ATP6V0D1: variants seen among roughly 807,000 people sequenced by gnomAD.
ATP6V0D1 encodes V-type proton ATPase subunit d 1.
In ATP6V0D1, 13 loss-of-function variants were observed where a neutral mutation model predicts 39.0. That is an observed-to-expected ratio of 0.33 (90% CI 0.22 to 0.53). The LOEUF (loss-of-function observed/expected upper bound fraction) is 0.53. Ranked by LOEUF, ATP6V0D1 falls within the 20% of genes least tolerant of loss-of-function variation. ATP6V0D1 has a pLI of 0.94. For synonymous variants in ATP6V0D1, 191 were observed against 191.2 expected (o/e 1.00, Z 0.01); for missense variants, 272 against 470.9 (o/e 0.58, Z 3.91).
Position 67,481,109 on chromosome 16 carries a change from C to G in ATP6V0D1, c.-23G>C, listed in dbSNP as rs1303624134. The G allele has an allele frequency of 6.2e-7, 1 of 1,613,302 alleles. No individual in the cohort carries two copies. The highest frequency in any genetic ancestry group is 1.3e-5 in the African/African-American group (1 of 74,934). ...CATGGCTGCTGCGGGAGCGGCGGGA[C>G]CGGAGAACCAGGACCGGCCGGCACG... On this transcript the variant is annotated 5_prime_UTR_variant, in exon 1 of 8. Coordinates refer to ENST00000290949, the MANE Select transcript of ATP6V0D1 (RefSeq NM_004691.5).
intron 1 of ATP6V0D1, among the ~76,000 whole-genome samples, chr16:67,471,400 G>A (rs1367196759): frequency 2.0e-5 from 3 of 152,054 alleles, no homozygotes; most frequent in African/African-American, 4.8e-5. Context: ...ATGTTGCCCA[G>A]GGTGGTCTTG....
chr16:67,474,902 G>A (rs754777350), intron 1 of ATP6V0D1, among the ~76,000 whole-genome samples: 2 of 152,168 alleles, frequency 1.3e-5, no homozygotes, highest in Non-Finnish European at 2.9e-5. Context: ...AAGCCAAGAT[G>A]AGGACATCGA....
In ATP6V0D1 at chr16:67,452,492, G is replaced by T. The variant is rs560158258; in HGVS notation, c.302+1052C>A. 13 of 1,235,762 alleles carry T rather than the reference G, an allele frequency of 1.1e-5. No individual in the cohort carries two copies. The Admixed American group carries it at 1.2e-4, about 11-fold the overall frequency. The allele number at this position is 1,235,762 out of a possible 1,614,324, so 76.5% of individuals were successfully genotyped here. A position where few individuals can be genotyped will look rare whatever the true frequency, so the allele number is the denominator to read the frequency against. On this transcript the variant is annotated intron_variant, in intron 2 of 7. Transcript: ENST00000290949. ...CTCTGTCCCTGCAGGGACAAGTGGG[G>T]CAGGTGTGCCAGGTCCCAAGGAAAA...
At chr16:67,446,644 G>A (rs147977285) in intron 2 of ATP6V0D1, among the ~76,000 whole-genome samples, 1 of 152,182 alleles carries the variant, frequency 6.6e-6, no homozygotes, top group African/African-American at 2.4e-5. Context: ...TGCCTATGAG[G>A]CCTCCAACAT....
chr16:67,472,172 A>C (rs2142332477), intron 1 of ATP6V0D1, among the ~76,000 whole-genome samples: 1 of 152,184 alleles, frequency 6.6e-6, no homozygotes, highest in South Asian at 2.1e-4. Flanking sequence ...GACACCACCA[A>C]CAACCTGTGC....
Position 67,480,954 on chromosome 16 carries a change from C to T in ATP6V0D1, c.130+3G>A, listed in dbSNP as rs781458924. The T allele has an allele frequency of 6.2e-7, 1 of 1,613,890 alleles. No individual in the cohort carries two copies. Among genetic ancestry groups the T allele is most frequent in the Non-Finnish European group, 8.5e-7 (1 of 1,179,832 alleles). The stretch of plus-strand genomic sequence containing the variant: ...ATCCCCGCCTTTCGCGGCCCCGGCT[C>T]ACCCTCTAGCGTCTCGCACTGCACC... On this transcript the variant is annotated splice_donor_region_variant and intron_variant, in intron 1 of 7. Coordinates refer to ENST00000290949, the MANE Select transcript of ATP6V0D1 (RefSeq NM_004691.5).
chr16:67,457,475 T>C (rs1012252256), intron 1 of ATP6V0D1: 2 of 873,796 alleles, frequency 2.3e-6, no homozygotes, highest in African/African-American at 3.4e-5. Flanking sequence ...CAGTCCCAGA[T>C]GAGCTGGCAG....
intron 1 of ATP6V0D1, among the ~76,000 whole-genome samples, chr16:67,473,364 T>TTTTA (rs1429725244): frequency 6.6e-6 from 1 of 152,180 alleles, no homozygotes; most frequent in Non-Finnish European, 1.5e-5. Context: ...ACTTTTTTTT[T>TTTTA]TTTAGATGGA....
At chr16:67,462,534 G>C (rs1597579858) in intron 1 of ATP6V0D1, among the ~76,000 whole-genome samples, 1 of 152,336 alleles carries the variant, frequency 6.6e-6, no homozygotes, top group African/African-American at 2.4e-5. Context: ...GTGCTCAAAA[G>C]CTGGCCGAGG....
chr16:67,453,866 C>T lies in ATP6V0D1; in HGVS notation c.131-151G>A, dbSNP rs2041209860. ...CTCCATCTCCCTGTTGGCTCAGGGC[C>T]TACCACAGGGCAATCAGCTAAGGCC... On this transcript the variant is annotated intron_variant, in intron 1 of 7. Transcript: ENST00000290949. The surrounding 1 kb of genome is among the most constrained non-coding windows in gnomAD (Gnocchi z 4.1). 1.2e-5 allele frequency: 9 copies of T among 722,476 alleles called. No individual in the cohort carries two copies. In the South Asian group the frequency reaches 1.7e-4, roughly 13 times the overall value. The allele number at this position is 722,476 out of a possible 1,614,324, so 44.8% of individuals were successfully genotyped here. A position where few individuals can be genotyped will look rare whatever the true frequency, so the allele number is the denominator to read the frequency against.
chr16:67,471,709 T>C (rs2041374834), intron 1 of ATP6V0D1, among the ~76,000 whole-genome samples: 1 of 152,056 alleles, frequency 6.6e-6, no homozygotes. Context: ...TCTCTCTCTG[T>C]TGCCCAGGCT....
rs2041198913 is a variant in ATP6V0D1, at chr16:67,453,025, T to C, written c.302+519A>G. Among the ~76,000 whole-genome samples the C allele has an allele frequency of 6.6e-6, 1 of 152,044 alleles. No homozygotes were observed. The highest frequency in any genetic ancestry group is 1.5e-5 in the Non-Finnish European group (1 of 68,010). ...GCCCCTCAACTCTACTCCGAACCAA[T>C]CTCCCTGAGACCCAGGGCCATGGTC... On this transcript the variant is annotated intron_variant, in intron 2 of 7. Transcript: ENST00000290949. The surrounding 1 kb of genome is among the most constrained non-coding windows in gnomAD (Gnocchi z 4.1).
Position 67,453,521 on chromosome 16 carries a change from A to G in ATP6V0D1, c.302+23T>C, listed in dbSNP as rs202003220. 4.4e-3 allele frequency: 7,098 copies of G among 1,612,354 alleles called. 56 individuals are homozygous for G. Among genetic ancestry groups the G allele is most frequent in the South Asian group, 0.019 (1,737 of 90,952 alleles). ...AGCTATCCTGCCCAGGTAAGAGAAG[A>G]AGGCGCTACAAAGCACACTCACGTA... On this transcript the variant is annotated intron_variant, in intron 2 of 7. Transcript: ENST00000290949. This position sits in a 1 kb window ranked among gnomAD's most constrained non-coding sequence, Gnocchi z 4.1.
chr16:67,463,148 C>T (rs1470242503), intron 1 of ATP6V0D1, among the ~76,000 whole-genome samples: 3 of 152,180 alleles, frequency 2.0e-5, no homozygotes, highest in Non-Finnish European at 4.4e-5. Flanking sequence ...TGACCTAGGC[C>T]CTGTGTTTGG....
At chr16:67,442,961 A>G in intron 4 of ATP6V0D1, 138 bp downstream of exon 4, 1 of 875,080 alleles carries the variant, frequency 1.1e-6, no homozygotes. Flanking sequence ...GAGCCAGAGA[A>G]TAAGCAGTAA....
Position 67,453,827 on chromosome 16 carries a change from G to T in ATP6V0D1, c.131-112C>A. 2.0e-6 allele frequency: 2 copies of T among 1,007,860 alleles called. No homozygotes were observed. The highest frequency in any genetic ancestry group is 2.9e-6 in the Non-Finnish European group (2 of 679,836). The allele number at this position is 1,007,860 out of a possible 1,614,324, so 62.4% of individuals were successfully genotyped here. A position where few individuals can be genotyped will look rare whatever the true frequency, so the allele number is the denominator to read the frequency against. On this transcript the variant is annotated intron_variant, in intron 1 of 7. Transcript: ENST00000290949. This position sits in a 1 kb window ranked among gnomAD's most constrained non-coding sequence, Gnocchi z 4.1. ...CAGCTCTCCCCTGCAGTTGTGTCCC[G>T]CTACTACCCTGATCTCCATCTCCCT... is the stretch of plus-strand genomic sequence containing the variant.
intron 1 of ATP6V0D1, among the ~76,000 whole-genome samples, chr16:67,480,023 C>T (rs566094578): frequency 1.8e-4 from 21 of 116,036 alleles, no homozygotes; most frequent in Non-Finnish European, 2.8e-4. Flanking sequence ...AACGGTGAAA[C>T]CCCGTCTCTA....
At chr16:67,473,058 T>C (rs1036547459) in intron 1 of ATP6V0D1, among the ~76,000 whole-genome samples, 6 of 152,142 alleles carry the variant, frequency 3.9e-5, no homozygotes, top group African/African-American at 1.4e-4. Flanking sequence ...CCAATGCATC[T>C]ATCCAGACCT....
chr16:67,478,546 G>GGAGGTT (rs1227643747), intron 1 of ATP6V0D1, among the ~76,000 whole-genome samples: 1 of 151,578 alleles, frequency 6.6e-6, no homozygotes, highest in Non-Finnish European at 1.5e-5. Context: ...CTGGTGAGGT[G>GGAGGTT]GAGGTTGCAG....
Sources: allele counts gnomAD v4.1 joint callset (sites outside exome capture counted in the v4.1 genomes callset), GRCh38; gene constraint gnomAD v4.1.1; non-coding constraint Gnocchi (gnomAD v3.1); transcripts MANE v1.5; gene names NCBI Gene and HGNC (gene_info 2026-07-23, HGNC 2026-07-21).